The following NSUN4 variants were observed in gnomAD, a reference collection of about 807,000 sequenced individuals.
NSUN4 encodes 5-cytosine rRNA methyltransferase NSUN4.
In NSUN4, 31 loss-of-function variants were observed where a neutral mutation model predicts 43.8. The ratio of observed to expected loss-of-function variants is 0.71; its 90% CI spans 0.53 to 0.96. The LOEUF (loss-of-function observed/expected upper bound fraction) is 0.96, where lower values mean the gene tolerates loss of function less well. Ranked by LOEUF, NSUN4 falls within the 40% of genes least tolerant of loss-of-function variation. NSUN4 has a pLI of 0.00. For synonymous variants in NSUN4, 167 were observed against 184.1 expected (o/e 0.91, Z 0.75); for missense variants, 439 against 475.6 (o/e 0.92, Z 0.72).
chr1:46,361,442 T>TGA (rs1482775531), intron 5 of NSUN4, 128 bp from the exon 6 acceptor site: 8 of 796,990 alleles, frequency 1.0e-5, no homozygotes, highest in Non-Finnish European at 1.6e-5. Flanking sequence ...GGAAGGGACT[T>TGA]GAGAGGCAGT....
At chr1:46,368,704 G>A (rs1281750167), downstream of NSUN4, among the ~76,000 whole-genome samples, 1 of 152,114 alleles carries the variant, frequency 6.6e-6, no homozygotes, top group African/African-American at 2.4e-5. Flanking sequence ...TTTAACATAT[G>A]TCATTTGTGT....
intron 2 of NSUN4, chr1:46,345,410 G>C: frequency 4.8e-6 from 2 of 412,726 alleles, no homozygotes. Flanking sequence ...ACTTGCTTTA[G>C]GTCCCTCAGA....
At chr1:46,371,135 ATTTTT>A in the NSUN4 span, among the ~76,000 whole-genome samples, 1 of 131,148 alleles carries the variant, frequency 7.6e-6, no homozygotes, top group Non-Finnish European at 1.6e-5. Context: ...TGCCACCTTG[ATTTTT>A]TTTTTTTTTT....
At chr1:46,347,658 C>T (rs1406469800) in intron 3 of NSUN4, among the ~76,000 whole-genome samples, 1 of 152,136 alleles carries the variant, frequency 6.6e-6, no homozygotes, top group African/African-American at 2.4e-5. Flanking sequence ...TTTACTTTTC[C>T]TCTAAGATTA....
the NSUN4 span, among the ~76,000 whole-genome samples, chr1:46,373,083 T>C: frequency 1.3e-5 from 2 of 152,232 alleles, no homozygotes; most frequent in Admixed American, 1.3e-4. Flanking sequence ...CAGGTCCATC[T>C]GAGACCTCAT....
In NSUN4 at chr1:46,360,767, T is replaced by C. The variant is rs765699932; in HGVS notation, c.817T>C (p.Phe273Leu). The C allele has an allele frequency of 2.5e-6, 4 of 1,613,890 alleles. No individual in the cohort carries two copies. Among genetic ancestry groups the C allele is most frequent in the Non-Finnish European group, 3.4e-6 (4 of 1,179,914 alleles). ...CCTTCATGAGGAGGAGAACAACATC[T>C]TTAAGCGGTCAAGGAAGAAGGAGCG... ...HSLHEEENNI[F>L]KRSRKKERQI... The change falls in exon 5 of 6, where the codon TTT becomes CTT. Residue 273 changes from phenylalanine (F) to leucine (L), a missense_variant. Coordinates refer to ENST00000474844, the MANE Select transcript of NSUN4 (RefSeq NM_199044.4).
At position 46,347,227 on chromosome 1, in the gene NSUN4, C is replaced by T. The variant is rs1052578336; in HGVS notation, c.592+152C>T. 29 of 681,236 alleles carry T rather than the reference C, an allele frequency of 4.3e-5. 1 individual carries two copies. The highest frequency in any genetic ancestry group is 3.7e-4 in the South Asian group (19 of 51,132). The allele number at this position is 681,236 out of a possible 1,614,324, so 42.2% of individuals were successfully genotyped here. A position where few individuals can be genotyped will look rare whatever the true frequency, so the allele number is the denominator to read the frequency against. On this transcript the variant is annotated intron_variant, in intron 3 of 5. Transcript: ENST00000474844. ...CCGAGGGAGGCGGACCACCTGATGTCAGGAGTTCCAGACCAGCCTGGTCAA... is the reference window on the plus strand; with the variant it reads ...CCGAGGGAGGCGGACCACCTGATGTTAGGAGTTCCAGACCAGCCTGGTCAA...
Position 46,345,008 on chromosome 1 carries a change from G to A in NSUN4, c.301G>A (p.Glu101Lys). The A allele has an allele frequency of 1.2e-6, 2 of 1,614,208 alleles. No individual in the cohort carries two copies. Among genetic ancestry groups the A allele is most frequent in the Non-Finnish European group, 1.7e-6 (2 of 1,180,034 alleles). Residue 101 changes from glutamate to lysine, a missense_variant, in exon 2 of 6, where the codon GAA (glutamate) becomes AAA (lysine). By Grantham distance (56) the Glu-to-Lys change is moderately conservative. Coordinates refer to ENST00000474844, the MANE Select transcript of NSUN4 (RefSeq NM_199044.4). ...GCTGAGTGCCAAGGATTTTGTGAAT[G>A]AAGCCATCTCCCACTGGGAACTGCA... is the stretch of plus-strand genomic sequence containing the variant. Reference protein sequence around the residue: ...EQLSAKDFVNEAISHWELQSE... With the variant: ...EQLSAKDFVNKAISHWELQSE...
intron 4 of NSUN4, among the ~76,000 whole-genome samples, chr1:46,359,142 C>G (rs2148411177): frequency 6.6e-6 from 1 of 152,158 alleles, no homozygotes; most frequent in African/African-American, 2.4e-5. Flanking sequence ...CGCCTGTAGT[C>G]CCAGCTACTT....
Position 46,345,029 on chromosome 1 carries a change from C to T in NSUN4, c.322C>T (p.Leu108=). 1 of 1,614,198 alleles carries T rather than the reference C, an allele frequency of 6.2e-7. No homozygotes were observed. The highest frequency in any genetic ancestry group is 8.5e-7 in the Non-Finnish European group (1 of 1,180,008). ...GAATGAAGCCATCTCCCACTGGGAA[C>T]TGCAGTCTGAGGGTGGCCAATCTGC... ...FVNEAISHWE[L]QSEGGQSAAP... is the part of the protein sequence containing the mutation. Residue 108 remains leucine, a synonymous_variant, in exon 2 of 6, where the codon CTG becomes TTG. Transcript: ENST00000474844.
At chr1:46,372,390 G>A in the NSUN4 span, among the ~76,000 whole-genome samples, 10 of 151,988 alleles carry the variant, frequency 6.6e-5, no homozygotes, top group Non-Finnish European at 8.8e-5. Context: ...TGATCCACAC[G>A]TCTTGGCCTC....
the NSUN4 span, among the ~76,000 whole-genome samples, chr1:46,383,390 G>A: frequency 6.6e-6 from 1 of 152,152 alleles, no homozygotes; most frequent in South Asian, 2.1e-4. Context: ...CAGGGTTTGT[G>A]GAGGTTAAAG....
the NSUN4 span, among the ~76,000 whole-genome samples, chr1:46,384,080 A>T: frequency 1.3e-5 from 2 of 152,176 alleles, no homozygotes; most frequent in Non-Finnish European, 2.9e-5. Flanking sequence ...GGAGATCGGA[A>T]TGGGTCAGGG....
chr1:46,351,934 G>A (rs1015312043), intron 3 of NSUN4, among the ~76,000 whole-genome samples: 1 of 151,140 alleles, frequency 6.6e-6, no homozygotes, highest in African/African-American at 2.4e-5. Context: ...AAAGTGCTGG[G>A]ATTACAGGTG....
intron 1 of NSUN4, chr1:46,344,033 C>A: frequency 2.8e-6 from 1 of 361,492 alleles, no homozygotes. Flanking sequence ...CTATAGCAAG[C>A]ATCCCAGCTG....
chr1:46,340,870 G>C lies in NSUN4; in HGVS notation c.44G>C (p.Arg15Pro). 1 of 1,613,688 alleles carries C rather than the reference G, an allele frequency of 6.2e-7. No individual in the cohort carries two copies. ...TLRGVRELLK[R>P]VDLATVPRRH... The stretch of plus-strand genomic sequence containing the variant: ...AGGGGTGTCCGGGAGCTGCTGAAGC[G>C]TGTGGACCTCGCGACGGTCCCGCGG... The change falls in exon 1 of 6, where the codon CGT becomes CCT. Residue 15 changes from arginine (R) to proline (P), a missense_variant. Coordinates refer to ENST00000474844, the MANE Select transcript of NSUN4 (RefSeq NM_199044.4).
intron 4 of NSUN4, among the ~76,000 whole-genome samples, chr1:46,359,311 C>T (rs1663632187): frequency 6.6e-6 from 1 of 152,088 alleles, no homozygotes; most frequent in Non-Finnish European, 1.5e-5. Context: ...GTTGCTGTTT[C>T]TGCTGACTTG....
At chr1:46,348,480 A>G (rs1402462259) in intron 3 of NSUN4, among the ~76,000 whole-genome samples, 1 of 152,064 alleles carries the variant, frequency 6.6e-6, no homozygotes, top group Non-Finnish European at 1.5e-5. Context: ...TGGAAGGCTG[A>G]GGCGGGTGGA....
At chr1:46,347,757 A>T (rs1341434950) in intron 3 of NSUN4, among the ~76,000 whole-genome samples, 4 of 151,424 alleles carry the variant, frequency 2.6e-5, no homozygotes, top group African/African-American at 4.9e-5. Context: ...TCTAGGCTTT[A>T]TGTGCTTTAA....
Sources: gnomAD v4.1 joint callset for allele counts (sites outside exome capture counted in the v4.1 genomes callset) on GRCh38, gnomAD v4.1.1 for gene constraint, MANE v1.5 for transcripts, NCBI Gene and HGNC (gene_info 2026-07-23, HGNC 2026-07-21) for gene names.